USH2A: variants seen among roughly 807,000 people sequenced by gnomAD.
USH2A encodes Usher syndrome 2A (autosomal recessive, mild).
In USH2A, 443 loss-of-function variants were observed where a neutral mutation model predicts 538.9. That is an observed-to-expected ratio of 0.82 (90% CI 0.76 to 0.89). The LOEUF (loss-of-function observed/expected upper bound fraction) is 0.89, where lower values mean the gene tolerates loss of function less well. USH2A is among the 40% of genes least tolerant of loss of function. The probability of loss-of-function intolerance (pLI) is 0.00; values close to 1 mark genes in which losing one functional copy is unlikely to be tolerated. For missense variants in USH2A, 6,633 were observed against 6,324.8 expected, an observed-to-expected ratio of 1.05 and a Z score of -1.65; for synonymous variants, 2,413 against 2,273.5, an observed-to-expected ratio of 1.06 and a Z score of -1.75.
intron 68 of USH2A, among the ~76,000 whole-genome samples, chr1:215,640,259 G>A (rs1439007319): frequency 6.6e-6 from 1 of 152,152 alleles, no homozygotes; most frequent in African/African-American, 2.4e-5. Context: ...ATGTATGGGT[G>A]CTATTTCTTT....
At chr1:215,682,781 C>G in intron 61 of USH2A, among the ~76,000 whole-genome samples, 1 of 151,638 alleles carries the variant, frequency 6.6e-6, no homozygotes, top group East Asian at 1.9e-4. Flanking sequence ...GAAATAACCA[C>G]ATGTTGGGAT....
chr1:215,826,730 A>T (rs1364544154), intron 47 of USH2A, among the ~76,000 whole-genome samples: 1 of 152,182 alleles, frequency 6.6e-6, no homozygotes, highest in Non-Finnish European at 1.5e-5. Context: ...GGCAGTAAGT[A>T]GCAGGTGAAA....
At position 215,813,878 on chromosome 1, in the gene USH2A, G is replaced by A. The variant is rs779361903; in HGVS notation, c.9597C>T (p.Asn3199=). ...AKVCCNGVLY[N]PKPGHRCCEE... ...CACAACAGCGATGTCCAGGCTTGGGGTTATAGAGCACTCCGTTACAACAAA... is the reference window on the plus strand; with the variant it reads ...CACAACAGCGATGTCCAGGCTTGGGATTATAGAGCACTCCGTTACAACAAA... Residue 3199 remains asparagine, a synonymous_variant, in exon 49 of 72, where the codon AAC becomes AAT. Transcript: ENST00000307340. 2.5e-6 allele frequency: 4 copies of A among 1,613,744 alleles called. No homozygotes were observed. The East Asian group carries it at 6.7e-5, about 27-fold the overall frequency.
chr1:216,322,114 C>T lies in USH2A; in HGVS notation c.1551-138G>A, dbSNP rs886830044. On this transcript the variant is annotated intron_variant, in intron 8 of 71. Transcript: ENST00000307340. Reference sequence around the variant, plus strand: ...TTTAATTGATACAAAATCAGTTTCTCCTTAATCGTGTGGATATCCATACAC... The same window carrying T: ...TTTAATTGATACAAAATCAGTTTCTTCTTAATCGTGTGGATATCCATACAC... 7 of 846,998 alleles carry T rather than the reference C, an allele frequency of 8.3e-6. No individual in the cohort carries two copies. In the East Asian group the frequency reaches 1.1e-4, roughly 13 times the overall value. 52.5% of individuals were successfully genotyped at this position (846,998 alleles called of 1,614,324 possible).
At chr1:216,391,775 C>T (rs943874856) in intron 3 of USH2A, among the ~76,000 whole-genome samples, 3 of 152,322 alleles carry the variant, frequency 2.0e-5, no homozygotes, top group Middle Eastern at 3.4e-3. Context: ...GTTGTTTCCC[C>T]TTGGGCGCTG....
At chr1:215,806,942 T>C (rs893781478) in intron 49 of USH2A, among the ~76,000 whole-genome samples, 15 of 152,094 alleles carry the variant, frequency 9.9e-5, no homozygotes, top group African/African-American at 3.6e-4. Flanking sequence ...TTTACGACAA[T>C]GCTTTCTTAA....
At chr1:216,012,978 G>C (rs1190848978) in intron 32 of USH2A, among the ~76,000 whole-genome samples, 1 of 152,092 alleles carries the variant, frequency 6.6e-6, no homozygotes. Context: ...TACACTGCCA[G>C]TTTACACTGT....
In USH2A at chr1:216,073,046, G is replaced by A. The variant is rs756813924; in HGVS notation, c.5776+51C>T. The A allele has an allele frequency of 1.2e-5, 19 of 1,612,944 alleles. No individual in the cohort carries two copies. In the South Asian group the frequency reaches 1.3e-4, roughly 11 times the overall value. On this transcript the variant is annotated intron_variant, in intron 28 of 71. Coordinates refer to ENST00000307340, the MANE Select transcript of USH2A (RefSeq NM_206933.4). ...ATGAGGGGCTGGCAGGGAGGGAAAG[G>A]GGGATGAATAAGAGACATGTAACAT...
At chr1:215,918,360 A>G (rs544822713) in intron 38 of USH2A, among the ~76,000 whole-genome samples, 2 of 152,112 alleles carry the variant, frequency 1.3e-5, no homozygotes, top group Admixed American at 6.6e-5. Context: ...TCAGGTTATG[A>G]TATTGTAGCC....
At chr1:215,699,576 T>C (rs946797317) in intron 61 of USH2A, among the ~76,000 whole-genome samples, 35 of 152,302 alleles carry the variant, frequency 2.3e-4, no homozygotes, top group Admixed American at 2.3e-3. Context: ...GTTTTCTTTG[T>C]AGCAATTGTG....
At chr1:215,978,407 T>C (rs945108875) in intron 35 of USH2A, among the ~76,000 whole-genome samples, 7 of 152,130 alleles carry the variant, frequency 4.6e-5, no homozygotes, top group Non-Finnish European at 8.8e-5. Context: ...TTTTTAGGAA[T>C]TTCACTTGAA....
chr1:215,987,514 C>G (rs1404462749), intron 35 of USH2A, among the ~76,000 whole-genome samples: 1 of 152,192 alleles, frequency 6.6e-6, no homozygotes, highest in Admixed American at 6.5e-5. Flanking sequence ...ATTAGAGAAA[C>G]AGAGCTGGAG....
intron 22 of USH2A, among the ~76,000 whole-genome samples, chr1:216,092,095 A>G (rs2032316326): frequency 6.6e-6 from 1 of 152,224 alleles, no homozygotes; most frequent in African/African-American, 2.4e-5. Context: ...ACAAAGCTAG[A>G]CGTTGTAAGC....
At chr1:215,760,039 G>C (rs1210010560) in intron 56 of USH2A, among the ~76,000 whole-genome samples, 196 bp from the exon 57 acceptor site, 2 of 152,068 alleles carry the variant, frequency 1.3e-5, no homozygotes, top group African/African-American at 4.8e-5. Flanking sequence ...AATTGCCTTT[G>C]GAAAGTGAAT....
Position 215,766,688 on chromosome 1 carries a change from A to G in USH2A, c.11040T>C (p.Ala3680=). 6.2e-7 allele frequency: 1 copy of G among 1,613,306 alleles called. No individual in the cohort carries two copies. Residue 3680 remains alanine (A), a synonymous_variant, in exon 56 of 72, where the codon GCT becomes GCC. Transcript: ENST00000307340. ...EPFLGQTLQA[A]PEGVWVTPRH... Reference sequence around the variant, plus strand: ...TGGATATTGTTTCATTACCTTCAGGAGCTGCCTGCAGTGTCTGACCTAGAA... The same window carrying G: ...TGGATATTGTTTCATTACCTTCAGGGGCTGCCTGCAGTGTCTGACCTAGAA...
chr1:216,196,021 T>G (rs1458335544), intron 19 of USH2A: 2 of 172,046 alleles, frequency 1.2e-5, no homozygotes, highest in Admixed American at 1.2e-4. Flanking sequence ...GGGGATGAAT[T>G]ACTAGAAGGC....
At chr1:215,747,124 A>C (rs1486459097) in intron 58 of USH2A, among the ~76,000 whole-genome samples, 6 of 152,192 alleles carry the variant, frequency 3.9e-5, no homozygotes, top group Non-Finnish European at 8.8e-5. Context: ...GAACAAGTAT[A>C]ACTGTTCATA....
chr1:216,344,132 C>G (rs2038129779), intron 4 of USH2A, among the ~76,000 whole-genome samples: 2 of 152,014 alleles, frequency 1.3e-5, no homozygotes, highest in South Asian at 4.1e-4. Flanking sequence ...ATGTGCATTG[C>G]TTGGCAAGTA....
At chr1:216,377,806 A>AG in intron 3 of USH2A, among the ~76,000 whole-genome samples, 1 of 22,036 alleles carries the variant, frequency 4.5e-5, no homozygotes, top group African/African-American at 9.3e-5. Flanking sequence ...GGAAAGAAAT[A>AG]AAAAGAAAGA....
Sources: allele counts gnomAD v4.1 joint callset (sites outside exome capture counted in the v4.1 genomes callset), GRCh38; gene constraint gnomAD v4.1.1; transcripts MANE v1.5; gene names NCBI Gene and HGNC (gene_info 2026-07-23, HGNC 2026-07-21).